TSHZ1: variants seen among roughly 807,000 people sequenced by gnomAD.
The protein encoded by TSHZ1 is teashirt homolog 1.
A neutral mutation model predicts 67.1 loss-of-function variants in TSHZ1; 12 were observed. That is an observed-to-expected ratio of 0.18 (90% CI 0.11 to 0.29). TSHZ1 has a LOEUF of 0.29. Among genes scored for constraint, TSHZ1 ranks in the 10% least tolerant of loss-of-function variants. The probability of loss-of-function intolerance (pLI) is 1.00; values close to 1 mark genes in which losing one functional copy is unlikely to be tolerated. For missense variants in TSHZ1, 1,305 were observed against 1,413.9 expected (o/e 0.92, Z 1.23); for synonymous variants, 632 against 622.4 (o/e 1.02, Z -0.23).
Position 75,289,751 on chromosome 18 carries a change from T to G in TSHZ1, c.*1110T>G, listed in dbSNP as rs2023836728. On this transcript the variant is annotated 3_prime_UTR_variant, in exon 2 of 2. Coordinates refer to ENST00000580243, the MANE Select transcript of TSHZ1 (RefSeq NM_001308210.2). ...TAAATAGAGGACTTTTACTGGCACCTGCATCTCTCCAGATGCATGTACTCA... is the reference window on the plus strand; with the variant it reads ...TAAATAGAGGACTTTTACTGGCACCGGCATCTCTCCAGATGCATGTACTCA... 1 of 167,118 alleles carries G rather than the reference T, an allele frequency of 6.0e-6. No homozygotes were observed. The allele number at this position is 167,118 out of a possible 1,614,324, so 10.4% of individuals were successfully genotyped here.
intron 1 of TSHZ1, among the ~76,000 whole-genome samples, chr18:75,264,889 G>A (rs1266799865): frequency 6.6e-6 from 1 of 152,142 alleles, no homozygotes; most frequent in East Asian, 1.9e-4. Flanking sequence ...TTACGCTTTA[G>A]GCAAAGATGT....
intron 1 of TSHZ1, among the ~76,000 whole-genome samples, chr18:75,249,686 C>T (rs1428687094): frequency 6.8e-6 from 1 of 146,418 alleles, no homozygotes; most frequent in Non-Finnish European, 1.5e-5. Flanking sequence ...TGACCTCCTC[C>T]CTGCCTCACT....
chr18:75,257,903 T>C (rs2023381134), intron 1 of TSHZ1, among the ~76,000 whole-genome samples: 1 of 152,150 alleles, frequency 6.6e-6, no homozygotes, highest in South Asian at 2.1e-4. Context: ...AAGTACATGA[T>C]AGGAGGGCTG....
chr18:75,269,818 C>T (rs1307274065), intron 1 of TSHZ1, among the ~76,000 whole-genome samples: 1 of 152,108 alleles, frequency 6.6e-6, no homozygotes, highest in Non-Finnish European at 1.5e-5. Flanking sequence ...GTTCCCAGCC[C>T]CCCTGGCTCC....
chr18:75,284,201 C>T (rs1475820408), intron 1 of TSHZ1: 1 of 152,642 alleles, frequency 6.6e-6, no homozygotes, highest in African/African-American at 2.4e-5. Context: ...AAGGATCTGA[C>T]ATGTCCTGCA....
chr18:75,277,806 C>T (rs1001042926), intron 1 of TSHZ1, among the ~76,000 whole-genome samples: 1 of 152,160 alleles, frequency 6.6e-6, no homozygotes, highest in African/African-American at 2.4e-5. Context: ...GACAAGCACA[C>T]AGTTGGGCCA....
At chr18:75,277,642 G>A (rs2023631150) in intron 1 of TSHZ1, among the ~76,000 whole-genome samples, 1 of 152,118 alleles carries the variant, frequency 6.6e-6, no homozygotes, top group Non-Finnish European at 1.5e-5. Flanking sequence ...GCTCTCTGGA[G>A]CCTTTTAAAA....
chr18:75,232,730 T>C (rs536383546), intron 1 of TSHZ1, among the ~76,000 whole-genome samples: 35 of 152,332 alleles, frequency 2.3e-4, no homozygotes, highest in Non-Finnish European at 4.1e-4. Flanking sequence ...CTTGAAATCC[T>C]TGGGGCCAGA....
At chr18:75,262,009 C>T (rs2023436700) in intron 1 of TSHZ1, among the ~76,000 whole-genome samples, 1 of 152,138 alleles carries the variant, frequency 6.6e-6, no homozygotes, top group Non-Finnish European at 1.5e-5. Context: ...CCTGGTGTGA[C>T]TTCAGAGTGC....
chr18:75,216,884 G>C (rs1234005856), intron 1 of TSHZ1, among the ~76,000 whole-genome samples: 1 of 152,184 alleles, frequency 6.6e-6, no homozygotes, highest in African/African-American at 2.4e-5. Flanking sequence ...CCACTGGGCC[G>C]GGACCCACTC....
intron 1 of TSHZ1, among the ~76,000 whole-genome samples, chr18:75,272,139 C>G (rs913356124): frequency 8.5e-5 from 13 of 152,136 alleles, no homozygotes; most frequent in Admixed American, 4.6e-4. Flanking sequence ...GGGCATAGAC[C>G]GATTCATCTC....
chr18:75,222,494 C>T (rs1414530463), intron 1 of TSHZ1, among the ~76,000 whole-genome samples: 1 of 152,122 alleles, frequency 6.6e-6, no homozygotes, highest in African/African-American at 2.4e-5. Flanking sequence ...TCCTCCTCCT[C>T]TCTCTACGCA....
At chr18:75,238,016 T>A (rs760533982) in intron 1 of TSHZ1, among the ~76,000 whole-genome samples, 2 of 152,250 alleles carry the variant, frequency 1.3e-5, no homozygotes, top group South Asian at 4.1e-4. Flanking sequence ...TTCTCCATGT[T>A]GGTCAGGCTG....
chr18:75,250,009 A>G lies in TSHZ1; in HGVS notation c.41-35439A>G, dbSNP rs564744278. ...CATGACCTCCTCATCTCACCCCTGC[A>G]GTAGGTGGAGGACGCATGACTTCCT... On this transcript the variant is annotated intron_variant, in intron 1 of 1. Coordinates refer to ENST00000580243, the MANE Select transcript of TSHZ1 (RefSeq NM_001308210.2). Among the ~76,000 whole-genome samples the G allele has an allele frequency of 4.2e-5, 6 of 142,322 alleles. No homozygotes were observed. The East Asian group carries it at 1.3e-3, about 31-fold the overall frequency. 93.4% of individuals were successfully genotyped at this position (142,322 alleles called of 152,430 possible). A position where few individuals can be genotyped will look rare whatever the true frequency, so the allele number is the denominator to read the frequency against.
rs1250291333 is a variant in TSHZ1 at position 75,286,361 on chromosome 18, C to G, written c.954C>G (p.Ser318=). 2 of 1,614,142 alleles carry G rather than the reference C, an allele frequency of 1.2e-6. No homozygotes were observed. The highest frequency in any genetic ancestry group is 1.3e-5 in the African/African-American group (1 of 75,020). ...TGTACTGTGGACACTCCTTTGAGTC[C>G]TTGCAGGACCTCAGCGTCCACATGA... ...KCMYCGHSFE[S]LQDLSVHMIK... Residue 318 remains serine, a synonymous_variant, in exon 2 of 2, where the codon TCC becomes TCG. Transcript: ENST00000580243. The surrounding 1 kb of genome is among the most constrained non-coding windows in gnomAD (Gnocchi z 5.1).
intron 1 of TSHZ1, among the ~76,000 whole-genome samples, chr18:75,257,987 C>G (rs1292042855): frequency 6.6e-6 from 1 of 152,234 alleles, no homozygotes; most frequent in Non-Finnish European, 1.5e-5. Context: ...ATCTGGACTC[C>G]TAGCAGAGCG....
At position 75,285,932 on chromosome 18, in the gene TSHZ1, C is replaced by T. The variant is rs1438519245; in HGVS notation, c.525C>T (p.Pro175=). The T allele has an allele frequency of 6.4e-7, 1 of 1,553,420 alleles. No homozygotes were observed. The highest frequency in any genetic ancestry group is 1.9e-5 in the Admixed American group (1 of 51,968). Reference sequence around the variant, plus strand: ...CCACTGGCCCCACCACGAGCACGCCCAGCACCAGCTGCAGCTCCAGCACCA... The same window carrying T: ...CCACTGGCCCCACCACGAGCACGCCTAGCACCAGCTGCAGCTCCAGCACCA... The part of the protein sequence containing the change: ...VSTTGPTTST[P]STSCSSSTSH... Residue 175 remains proline (P), a synonymous_variant, in exon 2 of 2, where the codon CCC becomes CCT. Transcript: ENST00000580243.
At chr18:75,269,877 C>T (rs985201848) in intron 1 of TSHZ1, among the ~76,000 whole-genome samples, 5 of 152,130 alleles carry the variant, frequency 3.3e-5, no homozygotes, top group Admixed American at 2.0e-4. Context: ...CCTGAGTCGA[C>T]GTGGCTGGAA....
At chr18:75,259,035 C>G (rs1001862013) in intron 1 of TSHZ1, among the ~76,000 whole-genome samples, 3 of 152,206 alleles carry the variant, frequency 2.0e-5, no homozygotes. Flanking sequence ...CTCCTCCCCT[C>G]AAGGTAACCA....
Sources: allele counts gnomAD v4.1 joint callset (sites outside exome capture counted in the v4.1 genomes callset), GRCh38; gene constraint gnomAD v4.1.1; non-coding constraint Gnocchi (gnomAD v3.1); transcripts MANE v1.5; gene names NCBI Gene and HGNC (gene_info 2026-07-23, HGNC 2026-07-21).